SHROOM4: variants seen among roughly 807,000 people sequenced by gnomAD.
SHROOM4 encodes the protein shroom family member 4, also known as protein Shroom4.
SHROOM4 carries 17 observed loss-of-function variants against 80.3 expected under a neutral mutation model. That is an observed-to-expected ratio of 0.21 (90% confidence interval 0.14 to 0.32). SHROOM4 has a LOEUF of 0.32. Ranked by LOEUF, SHROOM4 falls within the 10% of genes least tolerant of loss-of-function variation. SHROOM4 has a pLI of 1.00. For synonymous variants in SHROOM4, 400 were observed against 437.5 expected (o/e 0.91, Z 1.07); for missense variants, 993 against 1,140.3 (o/e 0.87, Z 1.86).
At chrX:50,670,523 G>T (rs1932786115) in intron 2 of SHROOM4, among the ~76,000 whole-genome samples, 1 of 111,583 alleles carries the variant, frequency 9.0e-6, no homozygotes, top group Non-Finnish European at 1.9e-5. Context: ...TAGGCATTTG[G>T]GTTGGTTCCA....
At chrX:50,685,049 TA>T (rs1933038268) in intron 2 of SHROOM4, among the ~76,000 whole-genome samples, 1 of 111,963 alleles carries the variant, frequency 8.9e-6, no homozygotes, top group Non-Finnish European at 1.9e-5. Context: ...CTGATTGAAA[TA>T]AATACAGAGA....
At position 50,595,665 on chromosome X, in the gene SHROOM4, T is replaced by C. The variant is rs942122483; in HGVS notation, c.*1030A>G. 4.2e-5 allele frequency: 11 copies of C among 260,700 alleles called. No homozygotes were observed. Among genetic ancestry groups the C allele is most frequent in the East Asian group, 1.0e-4 (1 of 9,717 alleles). The allele number at this position is 260,700 out of a possible 1,213,427, so 21.5% of individuals were successfully genotyped here. ...CCTTCCTAGACATCGGTAGCTATGGTGGGAACAATTCAACGCCTTGGCACT... is the reference window on the plus strand; with the variant it reads ...CCTTCCTAGACATCGGTAGCTATGGCGGGAACAATTCAACGCCTTGGCACT... On this transcript the variant is annotated 3_prime_UTR_variant, in exon 9 of 9. Coordinates refer to ENST00000376020, the MANE Select transcript of SHROOM4 (RefSeq NM_020717.5).
intron 7 of SHROOM4, 101 bp downstream of exon 7, chrX:50,602,532 T>C: frequency 9.4e-6 from 8 of 848,705 alleles, no homozygotes; most frequent in Non-Finnish European, 1.4e-5. Flanking sequence ...ACTGAAAATA[T>C]GGGAATGCGA....
rs1557255845 is a variant in SHROOM4 at position 50,635,503 on chromosome X, G to A, written c.570C>T (p.Tyr190=). 8.3e-7 allele frequency: 1 copy of A among 1,211,252 alleles called. No homozygotes were observed. Among genetic ancestry groups the A allele is most frequent in the Non-Finnish European group, 1.1e-6 (1 of 895,294 alleles). Residue 190 remains tyrosine, a synonymous_variant, in exon 4 of 9, where the codon TAC becomes TAT. Coordinates refer to ENST00000376020, the MANE Select transcript of SHROOM4 (RefSeq NM_020717.5). ...NMYPNQRDSA[Y]SSFSASSNAS... is the part of the protein sequence containing the mutation. ...CATTTGAGCTGGCCGAGAAGGAGCT[G>A]TAGGCTGAGTCACGCTGGTTAGGGT...
chrX:50,764,644 A>G (rs1455934361), intron 1 of SHROOM4, among the ~76,000 whole-genome samples: 2 of 111,702 alleles, frequency 1.8e-5, no homozygotes, highest in Non-Finnish European at 3.8e-5. Context: ...CAATTTCCAG[A>G]GACTTTAAAT....
chrX:50,738,092 A>C (rs1469984389), intron 1 of SHROOM4, among the ~76,000 whole-genome samples: 2 of 111,098 alleles, frequency 1.8e-5, no homozygotes, highest in Non-Finnish European at 3.8e-5. Flanking sequence ...TGATTATCTT[A>C]ATAGATGCAG....
In SHROOM4 at chrX:50,769,380, C is replaced by T. The variant is rs550767961; in HGVS notation, c.117+44522G>A. ...GGTCAGTTCAGGAAATGTTAACACA[C>T]TGGCTCAGTTTCTCTCAGTTCATAG... On this transcript the variant is annotated intron_variant, in intron 1 of 8. Transcript: ENST00000376020. Among the ~76,000 whole-genome samples, 34 of 112,421 alleles carry T rather than the reference C, an allele frequency of 3.0e-4. No individual in the cohort carries two copies. The South Asian group carries it at 0.013, about 42-fold the overall frequency.
intron 1 of SHROOM4, among the ~76,000 whole-genome samples, chrX:50,764,671 T>C (rs1935234213): frequency 8.9e-6 from 1 of 111,812 alleles, no homozygotes. Context: ...TTTCAATAAT[T>C]TTCACCAGTT....
intron 2 of SHROOM4, among the ~76,000 whole-genome samples, chrX:50,678,941 C>T (rs946052888): frequency 2.2e-4 from 25 of 111,580 alleles, no homozygotes; most frequent in African/African-American, 7.8e-4. Context: ...TGGGCCTCTG[C>T]TCATAATGTT....
intron 1 of SHROOM4, among the ~76,000 whole-genome samples, chrX:50,770,335 A>G (rs186113889): frequency 3.8e-4 from 43 of 112,546 alleles, no homozygotes; most frequent in African/African-American, 1.4e-3. Context: ...AAACAAAGTC[A>G]GAAGAAAAGT....
In SHROOM4 at chrX:50,598,639, G is replaced by C; in HGVS notation, c.3943-104C>G. On this transcript the variant is annotated intron_variant, in intron 7 of 8. Coordinates refer to ENST00000376020, the MANE Select transcript of SHROOM4 (RefSeq NM_020717.5). ...TTGGAATCCAAGGAACAGATGGTGG[G>C]CTCTATCCTAGTCACTGGAAACAAA... 6.1e-6 allele frequency: 6 copies of C among 982,682 alleles called. No individual in the cohort carries two copies. The South Asian group carries it at 1.1e-4, about 17-fold the overall frequency. 81.0% of individuals were successfully genotyped at this position (982,682 alleles called of 1,213,427 possible). A position where few individuals can be genotyped will look rare whatever the true frequency, so the allele number is the denominator to read the frequency against.
chrX:50,658,795 A>G (rs1557259703), intron 2 of SHROOM4, among the ~76,000 whole-genome samples: 2 of 111,391 alleles, frequency 1.8e-5, no homozygotes, highest in African/African-American at 3.3e-5. Context: ...AAGAAAAACC[A>G]TGAATTAGCC....
At chrX:50,670,884 GT>G (rs1883729498) in intron 2 of SHROOM4, among the ~76,000 whole-genome samples, 1 of 111,962 alleles carries the variant, frequency 8.9e-6, no homozygotes, top group Non-Finnish European at 1.9e-5. Flanking sequence ...TTCTTCATAT[GT>G]TTTTTGGCCA....
At chrX:50,718,959 A>T (rs1458123052) in intron 1 of SHROOM4, among the ~76,000 whole-genome samples, 1 of 111,713 alleles carries the variant, frequency 9.0e-6, no homozygotes, top group African/African-American at 3.3e-5. Flanking sequence ...GCAGGCTGTA[A>T]TTATGGCAGG....
rs1442947884 is a variant in SHROOM4 at position 50,589,742 on chromosome X, T to C, written c.*6953A>G. On this transcript the variant is annotated 3_prime_UTR_variant, in exon 9 of 9. Transcript: ENST00000376020. ...TGAGTAATGCCACTTTAAACATTCA[T>C]GTTCACGCTTTTGTTTGAACACCTG... Among the ~76,000 whole-genome samples the C allele has an allele frequency of 1.8e-5, 2 of 112,294 alleles. No individual in the cohort carries two copies. The highest frequency in any genetic ancestry group is 3.2e-5 in the African/African-American group (1 of 30,904).
chrX:50,807,248 G>A (rs1216798716), intron 1 of SHROOM4, among the ~76,000 whole-genome samples: 1 of 112,088 alleles, frequency 8.9e-6, no homozygotes, highest in African/African-American at 3.2e-5. Flanking sequence ...GGGAGAAAGA[G>A]GCTGTGGATG....
intron 5 of SHROOM4, among the ~76,000 whole-genome samples, chrX:50,610,247 A>G (rs1253098667): frequency 9.1e-6 from 1 of 110,063 alleles, no homozygotes; most frequent in Admixed American, 9.7e-5. Context: ...AGACATACCC[A>G]CTATCTTCTC....
In SHROOM4 at chrX:50,588,486, T is replaced by C. The variant is rs1483167950; in HGVS notation, c.*8209A>G. 8.9e-6 allele frequency among the ~76,000 whole-genome samples: 1 copy of C among 112,241 alleles called. No individual in the cohort carries two copies. The highest frequency in any genetic ancestry group is 1.9e-5 in the Non-Finnish European group (1 of 53,244). ...CATTTGACAGAAGAGGACATCCAGG[T>C]ACAGGGAAGTTAAACATGCTCAAGG... On this transcript the variant is annotated 3_prime_UTR_variant, in exon 9 of 9. Coordinates refer to ENST00000376020, the MANE Select transcript of SHROOM4 (RefSeq NM_020717.5).
intron 3 of SHROOM4, among the ~76,000 whole-genome samples, chrX:50,637,826 G>C (rs1931421707): frequency 8.9e-6 from 1 of 112,143 alleles, no homozygotes; most frequent in Admixed American, 9.4e-5. Flanking sequence ...GGCCAGAACT[G>C]AGCCCTGGGG....
Sources: gnomAD v4.1 joint callset for allele counts (sites outside exome capture counted in the v4.1 genomes callset) on GRCh38, gnomAD v4.1.1 for gene constraint, MANE v1.5 for transcripts, NCBI Gene and HGNC (gene_info 2026-07-23, HGNC 2026-07-21) for gene names.